The following DCLK1 variants were observed in gnomAD, a reference collection of about 807,000 sequenced individuals.
DCLK1 encodes serine/threonine-protein kinase DCLK1.
DCLK1 carries 16 observed loss-of-function variants against 86.2 expected under a neutral mutation model. The observed-to-expected ratio is 0.19, with a 90% CI of 0.13 to 0.28. DCLK1 has a LOEUF of 0.28. Ranked by LOEUF, DCLK1 falls within the 10% of genes least tolerant of loss-of-function variation. The probability of loss-of-function intolerance (pLI) is 1.00; values close to 1 mark genes in which losing one functional copy is unlikely to be tolerated. For synonymous variants in DCLK1, 369 were observed against 370.5 expected (o/e 1.00, Z 0.05); for missense variants, 590 against 940.2 (o/e 0.63, Z 4.87).
intron 4 of DCLK1, among the ~76,000 whole-genome samples, chr13:35,892,952 A>G (rs1016974961): frequency 3.3e-5 from 5 of 152,248 alleles, no homozygotes; most frequent in Non-Finnish European, 7.3e-5. Flanking sequence ...CATCGCTGAA[A>G]TATACCAAAA....
intron 16 of DCLK1, among the ~76,000 whole-genome samples, chr13:35,790,754 T>C (rs1047048742): frequency 1.4e-4 from 21 of 152,204 alleles, no homozygotes; most frequent in Middle Eastern, 3.2e-3. Flanking sequence ...ATACCATTTA[T>C]AAAAAATTTT....
chr13:36,028,257 A>C (rs747059026), intron 3 of DCLK1, among the ~76,000 whole-genome samples: 1 of 152,246 alleles, frequency 6.6e-6, no homozygotes, highest in Non-Finnish European at 1.5e-5. Context: ...TCTAAAATCC[A>C]ACTGCATAGT....
intron 12 of DCLK1, among the ~76,000 whole-genome samples, chr13:35,810,144 C>T (rs551082792): frequency 5.9e-5 from 9 of 152,264 alleles, no homozygotes; most frequent in African/African-American, 2.2e-4. Context: ...CCTGACTCAA[C>T]CACTAAAACT....
intron 3 of DCLK1, among the ~76,000 whole-genome samples, chr13:35,978,203 C>CTTTTTTTTTTTT (rs11311688): frequency 2.5e-4 from 21 of 82,758 alleles, no homozygotes; most frequent in East Asian, 1.5e-3. Context: ...CTTTTCTTTT[C>CTTTTTTTTTTTT]TTTTTTTTTT....
chr13:36,111,279 G>A (rs1885609731), intron 3 of DCLK1, among the ~76,000 whole-genome samples: 1 of 152,108 alleles, frequency 6.6e-6, no homozygotes, highest in African/African-American at 2.4e-5. Flanking sequence ...CAAGTCAACT[G>A]ATGTTCATTC....
chr13:35,804,106 C>T (rs2086977835), intron 15 of DCLK1, among the ~76,000 whole-genome samples: 1 of 152,130 alleles, frequency 6.6e-6, no homozygotes, highest in Admixed American at 6.5e-5. Context: ...GTTAAGCATT[C>T]TATCAGTATT....
chr13:36,057,150 G>C (rs1481819404), intron 3 of DCLK1, among the ~76,000 whole-genome samples: 3 of 152,068 alleles, frequency 2.0e-5, no homozygotes, highest in Non-Finnish European at 4.4e-5. Context: ...ATTTGATGAT[G>C]ATGATGATGA....
At chr13:35,874,159 T>C (rs1353443782) in intron 4 of DCLK1, among the ~76,000 whole-genome samples, 2 of 152,162 alleles carry the variant, frequency 1.3e-5, no homozygotes, top group African/African-American at 4.8e-5. Flanking sequence ...GACTTCAAAA[T>C]TTTTCTTCCC....
chr13:35,847,964 C>T, intron 6 of DCLK1: 1 of 985,282 alleles, frequency 1.0e-6, no homozygotes, highest in Non-Finnish European at 1.2e-6. Flanking sequence ...TGAGTTCACA[C>T]TGAACTTCAT....
intron 2 of DCLK1, among the ~76,000 whole-genome samples, chr13:36,115,447 T>C (rs1198741307): frequency 6.6e-6 from 1 of 152,226 alleles, no homozygotes; most frequent in African/African-American, 2.4e-5. Context: ...ATGGCATGAT[T>C]GCAAAGCTCT....
At chr13:35,783,296 G>A (rs530054332) in intron 16 of DCLK1, among the ~76,000 whole-genome samples, 1 of 150,064 alleles carries the variant, frequency 6.7e-6, no homozygotes, top group East Asian at 2.0e-4. Flanking sequence ...TCTTGGAAGT[G>A]AGGGAAACAG....
At chr13:35,874,637 C>T (rs1265293952) in intron 4 of DCLK1, among the ~76,000 whole-genome samples, 1 of 152,116 alleles carries the variant, frequency 6.6e-6, no homozygotes. Context: ...AAAATCTATA[C>T]ATACAGGAAT....
At chr13:35,883,947 G>A (rs1474638330) in intron 4 of DCLK1, among the ~76,000 whole-genome samples, 3 of 152,150 alleles carry the variant, frequency 2.0e-5, no homozygotes, top group Non-Finnish European at 4.4e-5. Context: ...AAGGCCTACA[G>A]TCTTCCTCTA....
At chr13:35,938,770 G>T (rs1876914557) in intron 4 of DCLK1, among the ~76,000 whole-genome samples, 1 of 152,112 alleles carries the variant, frequency 6.6e-6, no homozygotes, top group African/African-American at 2.4e-5. Flanking sequence ...GGGAGGGGAA[G>T]CTGATGACCT....
At chr13:36,119,575 A>T (rs539009398) in intron 2 of DCLK1, among the ~76,000 whole-genome samples, 7 of 152,348 alleles carry the variant, frequency 4.6e-5, no homozygotes, top group South Asian at 2.1e-4. Context: ...CCAACAAGAC[A>T]TATCAACATC....
intron 4 of DCLK1, among the ~76,000 whole-genome samples, chr13:35,940,574 G>A (rs999081957): frequency 6.6e-6 from 1 of 152,132 alleles, no homozygotes; most frequent in Admixed American, 6.5e-5. Context: ...AGGGCCATCA[G>A]GTCTCTTTAA....
rs763473929 is a variant in DCLK1 at position 35,770,918 on chromosome 13, C to A, written c.*3617G>T. The A allele has an allele frequency of 2.6e-5, 4 of 152,102 alleles. No individual in the cohort carries two copies. The highest frequency in any genetic ancestry group is 5.9e-5 in the Non-Finnish European group (4 of 68,036). The allele number at this position is 152,102 out of a possible 1,614,324, so 9.4% of individuals were successfully genotyped here. A position where few individuals can be genotyped will look rare whatever the true frequency, so the allele number is the denominator to read the frequency against. On this transcript the variant is annotated 3_prime_UTR_variant, in exon 17 of 17. Coordinates refer to ENST00000360631, the MANE Select transcript of DCLK1 (RefSeq NM_001330071.2). ...ACAGCCCTGTATAGCAAACTTCAGC[C>A]TGGGGCACATTTTTATGGTCAAATT... is the stretch of plus-strand genomic sequence containing the variant.
intron 3 of DCLK1, among the ~76,000 whole-genome samples, chr13:36,098,511 G>C (rs1430929756): frequency 6.6e-6 from 1 of 152,134 alleles, no homozygotes; most frequent in Non-Finnish European, 1.5e-5. Flanking sequence ...CTGAGAGAGA[G>C]AGATTTGCAA....
At chr13:35,979,698 T>G (rs1197400952) in intron 3 of DCLK1, among the ~76,000 whole-genome samples, 1 of 152,220 alleles carries the variant, frequency 6.6e-6, no homozygotes, top group Non-Finnish European at 1.5e-5. Flanking sequence ...TCACGGTCAT[T>G]TACCTTATTC....
Sources: allele counts gnomAD v4.1 joint callset (sites outside exome capture counted in the v4.1 genomes callset), GRCh38; gene constraint gnomAD v4.1.1; transcripts MANE v1.5; gene names NCBI Gene and HGNC (gene_info 2026-07-23, HGNC 2026-07-21).